LSM3: variants seen among roughly 807,000 people sequenced by gnomAD.
The protein encoded by LSM3 is LSM3 homolog, U6 small nuclear RNA and mRNA degradation associated, also known as U6 snRNA-associated Sm-like protein LSm3.
A neutral mutation model predicts 15.4 loss-of-function variants in LSM3; 14 were observed. That is an observed-to-expected ratio of 0.91 (90% CI 0.60 to 1.42). LSM3 has a LOEUF of 1.42. Ranked by LOEUF, LSM3 falls within the 40% of genes most tolerant of loss-of-function variation. The probability of loss-of-function intolerance (pLI) is 0.00; values close to 1 mark genes in which losing one functional copy is unlikely to be tolerated. For synonymous variants in LSM3, 46 were observed against 45.1 expected, an observed-to-expected ratio of 1.02 and a Z score of -0.08; for missense variants, 88 against 127.9, an observed-to-expected ratio of 0.69 and a Z score of 1.50.
chr3:14,188,752 C>A (rs1428581463), intron 3 of LSM3, among the ~76,000 whole-genome samples: 1 of 152,026 alleles, frequency 6.6e-6, no homozygotes, highest in Non-Finnish European at 1.5e-5. Context: ...GGACAGATAG[C>A]CATTTCCAAT....
chr3:14,190,864 C>T (rs111576756), intron 3 of LSM3, among the ~76,000 whole-genome samples: 7,936 of 152,124 alleles, frequency 0.052, 606 homozygotes, highest in East Asian at 0.37. Context: ...TGTCTTGTGC[C>T]GGTTTTCAGA....
chr3:14,189,178 A>T (rs545448766), intron 3 of LSM3, among the ~76,000 whole-genome samples: 13 of 152,312 alleles, frequency 8.5e-5, no homozygotes, highest in Non-Finnish European at 1.6e-4. Context: ...TATATGTGCC[A>T]CATTGTCTTA....
intron 1 of LSM3, among the ~76,000 whole-genome samples, chr3:14,179,083 C>T (rs965401382): frequency 2.6e-5 from 4 of 152,234 alleles, no homozygotes; most frequent in Non-Finnish European, 5.9e-5. Flanking sequence ...GATGACTATT[C>T]TCACACTCTT....
intron 1 of LSM3, among the ~76,000 whole-genome samples, chr3:14,179,209 CAATT>C (rs1026673636): frequency 2.0e-5 from 3 of 152,134 alleles, no homozygotes; most frequent in Non-Finnish European, 4.4e-5. Context: ...GTGAGCGCAA[CAATT>C]ATTTATTCAT....
intron 3 of LSM3, among the ~76,000 whole-genome samples, chr3:14,196,130 T>A (rs1209361275): frequency 6.6e-5 from 10 of 151,974 alleles, no homozygotes; most frequent in East Asian, 5.8e-4. Flanking sequence ...TTTTTTTTTT[T>A]ATATTTTTAG....
intron 3 of LSM3, among the ~76,000 whole-genome samples, chr3:14,185,967 G>T (rs917294591): frequency 6.6e-6 from 1 of 151,824 alleles, no homozygotes; most frequent in African/African-American, 2.4e-5. Context: ...AGGCTGGAGT[G>T]CAATGTCAGT....
At chr3:14,182,610 C>T (rs1390944285) in intron 2 of LSM3, among the ~76,000 whole-genome samples, 1 of 152,138 alleles carries the variant, frequency 6.6e-6, no homozygotes, top group Non-Finnish European at 1.5e-5. Flanking sequence ...TGACTTGTTA[C>T]TTTCCTAAGT....
chr3:14,198,077 T>A lies in LSM3; in HGVS notation c.270T>A (p.Asp90Glu), dbSNP rs1353997698. Residue 90 changes from aspartate to glutamate, a missense_variant, in exon 4 of 4, where the codon GAT (aspartate) becomes GAA (glutamate). Transcript: ENST00000306024. ...TTCCAATGCTCTTTGTCCGGGGAGATGGCGTTGTCCTGGTTGCCCCTCCAC... is the reference window on the plus strand; with the variant it reads ...TTCCAATGCTCTTTGTCCGGGGAGAAGGCGTTGTCCTGGTTGCCCCTCCAC... Reference protein sequence around the residue: ...RNIPMLFVRGDGVVLVAPPLR... With the variant: ...RNIPMLFVRGEGVVLVAPPLR... The A allele has an allele frequency of 6.2e-7, 1 of 1,613,764 alleles. No homozygotes were observed. The highest frequency in any genetic ancestry group is 1.3e-5 in the African/African-American group (1 of 74,912).
intron 2 of LSM3, among the ~76,000 whole-genome samples, 166 bp downstream of exon 2, chr3:14,181,836 A>C (rs949530863): frequency 1.3e-5 from 2 of 152,180 alleles, no homozygotes; most frequent in African/African-American, 4.8e-5. Flanking sequence ...TCACATTTTT[A>C]ACATTTTTTC....
rs926555342 is a variant in LSM3 at position 14,199,201 on chromosome 3, C to T, written c.*1085C>T. On this transcript the variant is annotated 3_prime_UTR_variant, in exon 4 of 4. Transcript: ENST00000306024. ...ATTAATGATGAGGGGTCTCAAACAACATGTCTCAGTGACACAGTAAAGCAG... is the reference window on the plus strand; with the variant it reads ...ATTAATGATGAGGGGTCTCAAACAATATGTCTCAGTGACACAGTAAAGCAG... 4 of 152,192 alleles carry T rather than the reference C, an allele frequency of 2.6e-5. No homozygotes were observed. Among genetic ancestry groups the T allele is most frequent in the African/African-American group, 9.7e-5 (4 of 41,448 alleles). 9.4% of individuals were successfully genotyped at this position (152,192 alleles called of 1,614,324 possible).
intron 3 of LSM3, among the ~76,000 whole-genome samples, chr3:14,196,788 A>G (rs1196535658): frequency 6.6e-6 from 1 of 152,260 alleles, no homozygotes; most frequent in Non-Finnish European, 1.5e-5. Context: ...TGGAAGACGC[A>G]AATAGTCAAA....
At position 14,199,532 on chromosome 3, in the gene LSM3, T is replaced by G. The variant is rs978346650; in HGVS notation, c.*1416T>G. 1.3e-5 allele frequency: 2 copies of G among 152,226 alleles called. No individual in the cohort carries two copies. Among genetic ancestry groups the G allele is most frequent in the Admixed American group, 6.5e-5 (1 of 15,282 alleles). The allele number at this position is 152,226 out of a possible 1,614,324, so 9.4% of individuals were successfully genotyped here. A position where few individuals can be genotyped will look rare whatever the true frequency, so the allele number is the denominator to read the frequency against. On this transcript the variant is annotated 3_prime_UTR_variant, in exon 4 of 4. Coordinates refer to ENST00000306024, the MANE Select transcript of LSM3 (RefSeq NM_014463.3). ...CTTTCAGTAAACATATTTAAAAGGT[T>G]TTATTTTCCTTACTAATGGTACATG...
intron 1 of LSM3, among the ~76,000 whole-genome samples, chr3:14,179,721 T>C (rs1034097749): frequency 2.6e-5 from 4 of 152,184 alleles, no homozygotes; most frequent in Admixed American, 6.5e-5. Flanking sequence ...TTTAGAACAG[T>C]GCTGGAAACA....
At chr3:14,184,298 T>C (rs1472659727) in intron 3 of LSM3, among the ~76,000 whole-genome samples, 1 of 152,174 alleles carries the variant, frequency 6.6e-6, no homozygotes, top group African/African-American at 2.4e-5. Flanking sequence ...ACTTACCTCA[T>C]AGGGTTCCCA....
Position 14,200,506 on chromosome 3 carries a change from TG to T in LSM3, c.*2392del, listed in dbSNP as rs1697225094. 6.6e-6 allele frequency: 1 copy of T among 152,302 alleles called. No homozygotes were observed. Among genetic ancestry groups the T allele is most frequent in the South Asian group, 2.1e-4 (1 of 4,834 alleles). 9.4% of individuals were successfully genotyped at this position (152,302 alleles called of 1,614,324 possible). A position where few individuals can be genotyped will look rare whatever the true frequency, so the allele number is the denominator to read the frequency against. On this transcript the variant is annotated 3_prime_UTR_variant, in exon 4 of 4. Coordinates refer to ENST00000306024, the MANE Select transcript of LSM3 (RefSeq NM_014463.3). ...GCAGGTGGTCAGTGGAGCTGGTGAC[TG>T]GTGGTTTCTGCAATGAGGTGTCAGA...
At chr3:14,183,434 T>TA (rs1277211273) in intron 2 of LSM3, among the ~76,000 whole-genome samples, 1 of 152,222 alleles carries the variant, frequency 6.6e-6, no homozygotes, top group Non-Finnish European at 1.5e-5. Context: ...TTGCTCTACT[T>TA]ACTTTCTCTC....
At chr3:14,194,523 C>T (rs549796346) in intron 3 of LSM3, among the ~76,000 whole-genome samples, 3 of 152,212 alleles carry the variant, frequency 2.0e-5, no homozygotes, top group African/African-American at 4.8e-5. Context: ...CATCTCTCTG[C>T]GTCTACTGCC....
chr3:14,182,337 CT>C lies in LSM3; in HGVS notation c.132+679del, dbSNP rs565301377. 4.3e-3 allele frequency among the ~76,000 whole-genome samples: 624 copies of C among 145,194 alleles called. 3 individuals are homozygous for C. Among genetic ancestry groups the C allele is most frequent in the African/African-American group, 0.011 (420 of 39,862 alleles). On this transcript the variant is annotated intron_variant, in intron 2 of 3. Transcript: ENST00000306024. Reference sequence around the variant, plus strand: ...TCTTGCCATACATGTTTTTCAGTACCTTTTTTTTTTTTCACTTAATCTTTCT... The same window carrying C: ...TCTTGCCATACATGTTTTTCAGTACCTTTTTTTTTTTCACTTAATCTTTCT...
rs897399143 is a variant in LSM3, at chr3:14,199,681, A to G, written c.*1565A>G. 3 of 152,212 alleles carry G rather than the reference A, an allele frequency of 2.0e-5. No individual in the cohort carries two copies. The highest frequency in any genetic ancestry group is 4.8e-5 in the African/African-American group (2 of 41,446). The allele number at this position is 152,212 out of a possible 1,614,324, so 9.4% of individuals were successfully genotyped here. On this transcript the variant is annotated 3_prime_UTR_variant, in exon 4 of 4. Coordinates refer to ENST00000306024, the MANE Select transcript of LSM3 (RefSeq NM_014463.3). ...GTGCCATCCCCACGCTTTGTCCTTA[A>G]GCTGTAGTGGTCCCAGGAGATAACC... is the stretch of plus-strand genomic sequence containing the variant.
Sources: gnomAD v4.1 joint callset for allele counts (sites outside exome capture counted in the v4.1 genomes callset) on GRCh38, gnomAD v4.1.1 for gene constraint, MANE v1.5 for transcripts, NCBI Gene and HGNC (gene_info 2026-07-23, HGNC 2026-07-21) for gene names.